The following UTRN variants were observed in gnomAD, a reference collection of about 807,000 sequenced individuals.
The protein encoded by UTRN is dystrophin-related protein 1.
UTRN carries 283 observed loss-of-function variants against 463.9 expected under a neutral mutation model. The observed-to-expected ratio is 0.61, with a 90% CI of 0.55 to 0.67. The LOEUF (loss-of-function observed/expected upper bound fraction) is 0.67, where lower values mean the gene tolerates loss of function less well. Ranked by LOEUF, UTRN falls within the 30% of genes least tolerant of loss-of-function variation. The pLI, the probability that UTRN is intolerant of heterozygous loss-of-function variation, is 0.00. For synonymous variants in UTRN, 1,442 were observed against 1,431.5 expected (o/e 1.01, Z -0.17); for missense variants, 3,922 against 4,084.3 (o/e 0.96, Z 1.08).
At chr6:144,605,213 C>A (rs961091852) in intron 51 of UTRN, among the ~76,000 whole-genome samples, 2 of 152,068 alleles carry the variant, frequency 1.3e-5, no homozygotes, top group Non-Finnish European at 2.9e-5. Flanking sequence ...TCCTATTTTC[C>A]ATGACAGTTA....
At chr6:144,396,040 C>T (rs923635322) in intron 2 of UTRN, among the ~76,000 whole-genome samples, 6 of 152,136 alleles carry the variant, frequency 3.9e-5, no homozygotes, top group Admixed American at 3.9e-4. Flanking sequence ...CATCTACACC[C>T]AAAGGAACTG....
chr6:144,440,451 A>G lies in UTRN; in HGVS notation c.1492A>G (p.Ile498Val). The change falls in exon 13 of 75, where the codon ATC becomes GTC. Residue 498 changes from isoleucine to valine, a missense_variant. Physicochemically the swap from Ile to Val is conservative, Grantham distance 29 (BLOSUM62 3). Coordinates refer to ENST00000367545, the MANE Select transcript of UTRN (RefSeq NM_007124.3). ...DENSGESATA[I>V]LEDQLQKLGE... The stretch of plus-strand genomic sequence containing the variant: ...AAACAGTGGTGAGAGTGCTACAGCT[A>G]TCCTAGAAGACCAGTTACAGGTAAG... 1.2e-6 allele frequency: 2 copies of G among 1,614,176 alleles called. No individual in the cohort carries two copies. The highest frequency in any genetic ancestry group is 1.3e-5 in the African/African-American group (1 of 75,060).
At chr6:144,419,220 G>A (rs769476341) in intron 3 of UTRN, among the ~76,000 whole-genome samples, 7 of 152,180 alleles carry the variant, frequency 4.6e-5, no homozygotes, top group South Asian at 2.1e-4. Flanking sequence ...CCCCTTACCC[G>A]GCTTCCTGAA....
chr6:144,484,530 C>T (rs1456967325), intron 27 of UTRN, among the ~76,000 whole-genome samples: 2 of 144,356 alleles, frequency 1.4e-5, no homozygotes, highest in African/African-American at 5.3e-5. Context: ...GTAACCTCTG[C>T]CTCCCAGGTT....
chr6:144,405,429 G>A (rs931838796), intron 3 of UTRN, among the ~76,000 whole-genome samples: 1 of 152,144 alleles, frequency 6.6e-6, no homozygotes, highest in African/African-American at 2.4e-5. Context: ...CTCTTGCTGA[G>A]CTGGGGAAAG....
chr6:144,522,879 C>T (rs1796231324), intron 40 of UTRN, 137 bp from the exon 41 acceptor site: 2 of 763,006 alleles, frequency 2.6e-6, no homozygotes, highest in Non-Finnish European at 3.9e-6. Context: ...AAAAAGTTTT[C>T]AGTTTTCATG....
intron 40 of UTRN, 32 bp from the exon 41 acceptor site, chr6:144,522,984 G>T: frequency 6.7e-7 from 1 of 1,487,606 alleles, no homozygotes; most frequent in Non-Finnish European, 9.0e-7. Context: ...TACTTTGCTG[G>T]ATTTTGTTAA....
chr6:144,482,304 G>C lies in UTRN; in HGVS notation c.3603G>C (p.Gln1201His), dbSNP rs780041692. The change falls in exon 27 of 75, where the codon CAG becomes CAC. Residue 1201 changes from glutamine to histidine, a missense_variant. Physicochemically the swap from Gln to His is conservative, Grantham distance 24 (BLOSUM62 0). Around this residue, in one of 3 missense-constraint regions of UTRN, gnomAD observed 2,349 missense variants for 2,303.8 expected, o/e 1.02. Coordinates refer to ENST00000367545, the MANE Select transcript of UTRN (RefSeq NM_007124.3). Reference protein sequence around the residue: ...LLAAKVPSGGQELTSELNVVL... With the variant: ...LLAAKVPSGGHELTSELNVVL... ...CTGCCAAGGTGCCCTCTGGTGGCCA[G>C]GAGTTGACGTCTGAGCTGAATGTTG... The C allele has an allele frequency of 1.1e-5, 18 of 1,609,070 alleles. No individual in the cohort carries two copies. The highest frequency in any genetic ancestry group is 1.6e-4 in the Middle Eastern group (1 of 6,074).
Position 144,474,765 on chromosome 6 carries a change from T to A in UTRN, c.3336+6T>A. The A allele has an allele frequency of 6.2e-7, 1 of 1,609,010 alleles. No homozygotes were observed. The highest frequency in any genetic ancestry group is 8.5e-7 in the Non-Finnish European group (1 of 1,178,468). On this transcript the variant is annotated splice_donor_region_variant and intron_variant, in intron 25 of 74. Transcript: ENST00000367545. Reference sequence around the variant, plus strand: ...TGGAGAAACTTAGCAAGGAGGTGAGTTTTTCAACTTTACTACCTACGGTTT... The same window carrying A: ...TGGAGAAACTTAGCAAGGAGGTGAGATTTTCAACTTTACTACCTACGGTTT...
chr6:144,599,051 C>T (rs1803960359), intron 51 of UTRN, among the ~76,000 whole-genome samples: 1 of 152,178 alleles, frequency 6.6e-6, no homozygotes, highest in African/African-American at 2.4e-5. Flanking sequence ...CCTCCCTCGT[C>T]TTTAAATTAA....
chr6:144,786,812 A>G (rs1221681877), intron 61 of UTRN, among the ~76,000 whole-genome samples: 1 of 152,172 alleles, frequency 6.6e-6, no homozygotes, highest in African/African-American at 2.4e-5. Context: ...TTTGATTTCC[A>G]TACATAAAGG....
intron 33 of UTRN, among the ~76,000 whole-genome samples, chr6:144,496,544 A>G (rs142974798): frequency 1.3e-3 from 201 of 152,330 alleles, no homozygotes; most frequent in Non-Finnish European, 1.5e-3. Flanking sequence ...AATTGTGACT[A>G]TAATTTTAGT....
rs1585921981 is a variant in UTRN, at chr6:144,673,660, TG to T, written c.7480-4745del. 2.0e-5 allele frequency among the ~76,000 whole-genome samples: 3 copies of T among 152,286 alleles called. No individual in the cohort carries two copies. In the East Asian group the frequency reaches 5.8e-4, roughly 29 times the overall value. ...TACATTCAATGTTAGTATTGAGATG[TG>T]AGGTACTATTCTATTCCTTATGCTG... On this transcript the variant is annotated intron_variant, in intron 51 of 74. Transcript: ENST00000367545.
chr6:144,722,897 A>G (rs1185394163), intron 53 of UTRN, among the ~76,000 whole-genome samples: 3 of 152,198 alleles, frequency 2.0e-5, no homozygotes, highest in African/African-American at 7.2e-5. Context: ...TAGTAATCCC[A>G]GGTGGTACCA....
intron 65 of UTRN, among the ~76,000 whole-genome samples, chr6:144,818,379 G>A (rs1400399181): frequency 6.6e-6 from 1 of 152,130 alleles, no homozygotes; most frequent in African/African-American, 2.4e-5. Context: ...CCACTGAAGT[G>A]TAAACTGTAC....
intron 2 of UTRN, among the ~76,000 whole-genome samples, chr6:144,369,706 T>C (rs187133673): frequency 1.3e-5 from 2 of 152,360 alleles, no homozygotes; most frequent in African/African-American, 4.8e-5. Flanking sequence ...ACAAATCTCA[T>C]CTTGAATTGT....
chr6:144,545,489 C>T (rs1364118425), intron 46 of UTRN, among the ~76,000 whole-genome samples: 1 of 152,210 alleles, frequency 6.6e-6, no homozygotes, highest in Non-Finnish European at 1.5e-5. Flanking sequence ...CTTGCTGTTT[C>T]AAACATGCCA....
chr6:144,828,819 C>G lies in UTRN; in HGVS notation c.9629C>G (p.Ser3210Cys), dbSNP rs1052008474. ...RLAQMERTNG[S>C]FLTDSSSTTG... ...GCCCAGATGGAAAGGACTAATGGGT[C>G]TTTTCTCACTGATAGCAGCTCCACC... Residue 3210 changes from serine (S) to cysteine (C), a missense_variant, in exon 69 of 75, where the codon TCT becomes TGT. Physicochemically the swap from Ser to Cys is moderately radical, Grantham distance 112. Around this residue, in one of 3 missense-constraint regions of UTRN, gnomAD observed 1,309 missense variants for 1,452.6 expected, o/e 0.90. Coordinates refer to ENST00000367545, the MANE Select transcript of UTRN (RefSeq NM_007124.3). 1 of 1,613,396 alleles carries G rather than the reference C, an allele frequency of 6.2e-7. No individual in the cohort carries two copies. The highest frequency in any genetic ancestry group is 1.1e-5 in the South Asian group (1 of 91,052).
At chr6:144,785,464 A>C (rs1246002418) in intron 61 of UTRN, among the ~76,000 whole-genome samples, 1 of 152,224 alleles carries the variant, frequency 6.6e-6, no homozygotes, top group Non-Finnish European at 1.5e-5. Flanking sequence ...TCATAATTAA[A>C]GAACTAGTGT....
Sources: allele counts gnomAD v4.1 joint callset (sites outside exome capture counted in the v4.1 genomes callset), GRCh38; gene constraint gnomAD v4.1.1; regional missense constraint gnomAD v4.1.1; transcripts MANE v1.5; gene names NCBI Gene and HGNC (gene_info 2026-07-23, HGNC 2026-07-21).